DSCAML1: variants seen among roughly 807,000 people sequenced by gnomAD.
DSCAML1 encodes the protein DS cell adhesion molecule like 1.
DSCAML1 carries 38 observed loss-of-function variants against 200.5 expected under a neutral mutation model. That is an observed-to-expected ratio of 0.19 (90% confidence interval 0.15 to 0.25). DSCAML1 has a LOEUF of 0.25. Ranked by LOEUF, DSCAML1 falls within the 10% of genes least tolerant of loss-of-function variation. DSCAML1 has a pLI of 1.00. For synonymous variants in DSCAML1, 1,215 were observed against 1,165.0 expected, an observed-to-expected ratio of 1.04 and a Z score of -0.87; for missense variants, 2,223 against 2,858.8, an observed-to-expected ratio of 0.78 and a Z score of 5.07.
At chr11:117,593,850 T>A (rs1591303481) in intron 3 of DSCAML1, among the ~76,000 whole-genome samples, 1 of 152,122 alleles carries the variant, frequency 6.6e-6, no homozygotes, top group African/African-American at 2.4e-5. Flanking sequence ...TAGATGGGAC[T>A]ACAGGCGCCC....
chr11:117,474,746 T>C (rs1400641341), intron 14 of DSCAML1, among the ~76,000 whole-genome samples: 1 of 151,688 alleles, frequency 6.6e-6, no homozygotes. Flanking sequence ...TTCTGTGTCA[T>C]TCCTTTTTTC....
chr11:117,496,688 T>G (rs376744494), intron 11 of DSCAML1, among the ~76,000 whole-genome samples: 4 of 152,352 alleles, frequency 2.6e-5, no homozygotes, highest in African/African-American at 9.6e-5. Context: ...GTGGTGGTGA[T>G]GTGCTTTTTG....
Position 117,469,299 on chromosome 11 carries a change from G to A in DSCAML1, c.3024+611C>T, listed in dbSNP as rs966730946. On this transcript the variant is annotated intron_variant, in intron 16 of 32. Transcript: ENST00000651296. This position sits in a 1 kb window ranked among gnomAD's most constrained non-coding sequence, Gnocchi z 4.1. ...CCAGCCCTTCTATGCCCATGGAGGG[G>A]TTTGGTGGTAGGGCCAGAAGATGCC... Among the ~76,000 whole-genome samples the A allele has an allele frequency of 2.0e-5, 3 of 152,176 alleles. No individual in the cohort carries two copies. Among genetic ancestry groups the A allele is most frequent in the African/African-American group, 7.2e-5 (3 of 41,448 alleles).
intron 11 of DSCAML1, among the ~76,000 whole-genome samples, chr11:117,486,890 A>AC (rs2049081045): frequency 6.7e-6 from 1 of 149,772 alleles, no homozygotes; most frequent in African/African-American, 2.5e-5. Context: ...TAGGAAGAAA[A>AC]AAAAAAAGAA....
intron 3 of DSCAML1, among the ~76,000 whole-genome samples, chr11:117,566,552 GGTT>G (rs1483226435): frequency 6.8e-5 from 6 of 88,132 alleles, no homozygotes; most frequent in African/African-American, 1.6e-4. Flanking sequence ...TTTTTGCCTT[GGTT>G]TTTTTTTTGT....
At chr11:117,724,591 G>A (rs111686732) in intron 3 of DSCAML1, among the ~76,000 whole-genome samples, 27 of 152,318 alleles carry the variant, frequency 1.8e-4, no homozygotes, top group African/African-American at 5.8e-4. Context: ...GCCTTGAAGC[G>A]GGAACAACAG....
intron 19 of DSCAML1, among the ~76,000 whole-genome samples, chr11:117,453,751 T>C (rs1007830182): frequency 5.3e-5 from 8 of 149,622 alleles, no homozygotes; most frequent in Middle Eastern, 3.4e-3. Context: ...TCTTTCTTTT[T>C]TTTTTTTTTT....
In DSCAML1 at chr11:117,518,954, T is replaced by C. The variant is rs1336448216; in HGVS notation, c.1214-192A>G. Among the ~76,000 whole-genome samples the C allele has an allele frequency of 6.6e-6, 1 of 152,246 alleles. No individual in the cohort carries two copies. Among genetic ancestry groups the C allele is most frequent in the Admixed American group, 6.5e-5 (1 of 15,292 alleles). On this transcript the variant is annotated intron_variant, in intron 6 of 32. Transcript: ENST00000651296. The surrounding 1 kb of genome is among the most constrained non-coding windows in gnomAD (Gnocchi z 6.3). ...TACTGCTGTACATGGATTCAGGCTG[T>C]AGGGTTTGCATCCTCCCTCAATCAC...
chr11:117,743,003 T>TCATTCATCCATC lies in DSCAML1; in HGVS notation c.511+33787_511+33788insGATGGATGAATG, dbSNP rs2054449328. Reference sequence around the variant, plus strand: ...AGCTATGGAGATGCTCACTCCACTTTCATCCATCCATCCATCCATCCATCC... The same window carrying TCATTCATCCATC: ...AGCTATGGAGATGCTCACTCCACTTTCATTCATCCATCCATCCATCCATCCATCCATCCATCC... On this transcript the variant is annotated intron_variant, in intron 3 of 32. Coordinates refer to ENST00000651296, the MANE Select transcript of DSCAML1 (RefSeq NM_020693.4). Among the ~76,000 whole-genome samples, 5 of 150,892 alleles carry TCATTCATCCATC rather than the reference T, an allele frequency of 3.3e-5. No homozygotes were observed. The South Asian group carries it at 1.1e-3, about 32-fold the overall frequency.
intron 3 of DSCAML1, among the ~76,000 whole-genome samples, chr11:117,700,599 A>G (rs2053650159): frequency 6.6e-6 from 1 of 152,152 alleles, no homozygotes; most frequent in Admixed American, 6.5e-5. Context: ...CACTATCGAT[A>G]ACTAACACCT....
Position 117,480,655 on chromosome 11 carries a change from C to G in DSCAML1, c.2657-84G>C, listed in dbSNP as rs969350822. The stretch of plus-strand genomic sequence containing the variant: ...TGCTTGGCCCTGAGGATTGGCATCA[C>G]CTGGGTCTAGCCAAGGACTCTGGCA... On this transcript the variant is annotated intron_variant, in intron 13 of 32. Coordinates refer to ENST00000651296, the MANE Select transcript of DSCAML1 (RefSeq NM_020693.4). The surrounding 1 kb of genome is among the most constrained non-coding windows in gnomAD (Gnocchi z 4.1). 3.3e-6 allele frequency: 5 copies of G among 1,501,918 alleles called. No individual in the cohort carries two copies. The African/African-American group carries it at 5.5e-5, about 17-fold the overall frequency. 93.0% of individuals were successfully genotyped at this position (1,501,918 alleles called of 1,614,324 possible). A position where few individuals can be genotyped will look rare whatever the true frequency, so the allele number is the denominator to read the frequency against.
chr11:117,540,629 G>A (rs941564913), intron 3 of DSCAML1, among the ~76,000 whole-genome samples: 2 of 151,782 alleles, frequency 1.3e-5, no homozygotes, highest in Non-Finnish European at 2.9e-5. Context: ...GTGATAGGTG[G>A]GATTTGAACA....
chr11:117,717,431 C>T (rs184642382), intron 3 of DSCAML1, among the ~76,000 whole-genome samples: 65 of 152,358 alleles, frequency 4.3e-4, no homozygotes, highest in African/African-American at 1.3e-3. Context: ...CTCATCATTT[C>T]CTCCACCAGG....
intron 22 of DSCAML1, 116 bp from the exon 23 acceptor site, chr11:117,439,545 G>A (rs887302894): frequency 8.1e-6 from 11 of 1,363,220 alleles, no homozygotes; most frequent in East Asian, 2.4e-5. Flanking sequence ...GCCAGGGAAC[G>A]CCGGGTTCTT....
intron 1 of DSCAML1, among the ~76,000 whole-genome samples, chr11:117,810,240 C>CCAAAACTCCGTGGACT (rs1295156053): frequency 2.7e-5 from 4 of 150,874 alleles, no homozygotes; most frequent in African/African-American, 7.4e-5. Flanking sequence ...CTCCGTGGAC[C>CCAAAACTCCGTGGACT]CAAAACTCCG....
In DSCAML1 at chr11:117,520,807, G is replaced by T. The variant is rs73010304; in HGVS notation, c.1213+323C>A. 2.0e-5 allele frequency among the ~76,000 whole-genome samples: 3 copies of T among 152,056 alleles called. No homozygotes were observed. In the East Asian group the frequency reaches 5.8e-4, roughly 29 times the overall value. ...GCATGGTGCAAGATGGTCCCTGCCC[G>T]TAGTCACAGCTACTTGGGAGGCTGA... On this transcript the variant is annotated intron_variant, in intron 6 of 32. Coordinates refer to ENST00000651296, the MANE Select transcript of DSCAML1 (RefSeq NM_020693.4).
intron 24 of DSCAML1, among the ~76,000 whole-genome samples, chr11:117,438,562 C>T (rs1035258196): frequency 3.4e-5 from 5 of 148,808 alleles, no homozygotes; most frequent in East Asian, 4.2e-4. Flanking sequence ...GTGACGCAGA[C>T]GCACGCCCAC....
intron 3 of DSCAML1, among the ~76,000 whole-genome samples, chr11:117,633,262 T>G (rs2052211932): frequency 6.6e-6 from 1 of 152,160 alleles, no homozygotes; most frequent in Non-Finnish European, 1.5e-5. Flanking sequence ...TGGGCAACCT[T>G]TGCCTGAGAA....
rs944798246 is a variant in DSCAML1 at position 117,518,108 on chromosome 11, G to T, written c.1510+358C>A. Among the ~76,000 whole-genome samples the T allele has an allele frequency of 6.6e-6, 1 of 152,190 alleles. No homozygotes were observed. Among genetic ancestry groups the T allele is most frequent in the Admixed American group, 6.5e-5 (1 of 15,282 alleles). On this transcript the variant is annotated intron_variant, in intron 7 of 32. Coordinates refer to ENST00000651296, the MANE Select transcript of DSCAML1 (RefSeq NM_020693.4). The surrounding 1 kb of genome is among the most constrained non-coding windows in gnomAD (Gnocchi z 6.3). ...TCTTGCCCTTACAAGGCCCTGGTGGGGCTGGCAGATACCAGCAGGTGTTTA... is the reference window on the plus strand; with the variant it reads ...TCTTGCCCTTACAAGGCCCTGGTGGTGCTGGCAGATACCAGCAGGTGTTTA...
Sources: allele counts gnomAD v4.1 joint callset (sites outside exome capture counted in the v4.1 genomes callset), GRCh38; gene constraint gnomAD v4.1.1; non-coding constraint Gnocchi (gnomAD v3.1); transcripts MANE v1.5; gene names NCBI Gene and HGNC (gene_info 2026-07-23, HGNC 2026-07-21).